The following DOCK5 variants were observed in gnomAD, a reference collection of about 807,000 sequenced individuals.
The protein encoded by DOCK5 is dedicator of cytokinesis protein 5.
DOCK5 carries 142 observed loss-of-function variants against 251.8 expected under a neutral mutation model. The observed-to-expected ratio is 0.56, with a 90% CI of 0.49 to 0.65. The LOEUF (loss-of-function observed/expected upper bound fraction) is 0.65, where lower values mean the gene tolerates loss of function less well. DOCK5 is among the 30% of genes least tolerant of loss of function. The pLI, the probability that DOCK5 is intolerant of heterozygous loss-of-function variation, is 0.00. For synonymous variants in DOCK5, 842 were observed against 835.5 expected, an observed-to-expected ratio of 1.01 and a Z score of -0.13; for missense variants, 2,111 against 2,312.3, an observed-to-expected ratio of 0.91 and a Z score of 1.79.
chr8:25,300,594 T>C lies in DOCK5; in HGVS notation c.783T>C (p.Arg261=), dbSNP rs1275397368. The change falls in exon 9 of 52, where the codon CGT becomes CGC. Residue 261 remains arginine, a synonymous_variant. Transcript: ENST00000276440. ...TTGCCAGTGAGAACTATCTAATTCG[T>C]TGGGGCAGTAACGGGATGCCCAAGG... ...STFISENYLI[R]WGSNGMPKEI... 6.2e-7 allele frequency: 1 copy of C among 1,613,308 alleles called. No homozygotes were observed. Among genetic ancestry groups the C allele is most frequent in the South Asian group, 1.1e-5 (1 of 90,862 alleles).
rs1047049360 is a variant in DOCK5 at position 25,369,546 on chromosome 8, C to G, written c.3439-10C>G. 3.1e-6 allele frequency: 5 copies of G among 1,603,414 alleles called. No individual in the cohort carries two copies. The highest frequency in any genetic ancestry group is 4.3e-6 in the Non-Finnish European group (5 of 1,174,800). On this transcript the variant is annotated splice_polypyrimidine_tract_variant and intron_variant, in intron 33 of 51. Coordinates refer to ENST00000276440, the MANE Select transcript of DOCK5 (RefSeq NM_024940.8). ...AACATTATCCTGTGAAATTCTGCCT[C>G]TACTTTCAGTTTGAGAATGAGCTGA...
intron 22 of DOCK5, among the ~76,000 whole-genome samples, chr8:25,338,998 C>T (rs1805881903): frequency 6.6e-6 from 1 of 152,154 alleles, no homozygotes; most frequent in Admixed American, 6.5e-5. Context: ...AGAGTTGCTT[C>T]ATTACACACT....
intron 1 of DOCK5, among the ~76,000 whole-genome samples, chr8:25,215,625 C>G (rs1802224222): frequency 6.6e-6 from 1 of 152,072 alleles, no homozygotes; most frequent in Non-Finnish European, 1.5e-5. Flanking sequence ...GCAACCTACT[C>G]AATCCCTTGG....
At chr8:25,326,355 T>C (rs1233105721) in intron 18 of DOCK5, among the ~76,000 whole-genome samples, 1 of 152,176 alleles carries the variant, frequency 6.6e-6, no homozygotes, top group African/African-American at 2.4e-5. Context: ...AGTGTAGTTA[T>C]AGGGTAAACC....
intron 18 of DOCK5, among the ~76,000 whole-genome samples, chr8:25,329,689 C>G (rs551373690): frequency 2.5e-4 from 38 of 152,222 alleles, no homozygotes; most frequent in African/African-American, 8.9e-4. Flanking sequence ...GCTGCTCTAC[C>G]TGTATACCAG....
chr8:25,227,117 G>A (rs529276829), intron 1 of DOCK5, among the ~76,000 whole-genome samples: 13 of 152,232 alleles, frequency 8.5e-5, no homozygotes, highest in South Asian at 2.1e-4. Flanking sequence ...GACTTCTGCC[G>A]AATTTCAAAA....
At chr8:25,281,952 A>G (rs774850041) in intron 5 of DOCK5, among the ~76,000 whole-genome samples, 34 of 151,604 alleles carry the variant, frequency 2.2e-4, no homozygotes, top group Admixed American at 4.6e-4. Context: ...TTTAATTTAG[A>G]TATCTAATAA....
intron 17 of DOCK5, 46 bp from the exon 18 acceptor site, chr8:25,325,318 A>C (rs769353274): frequency 2.0e-5 from 32 of 1,581,398 alleles, no homozygotes; most frequent in Non-Finnish European, 2.7e-5. Context: ...TTTGCATATA[A>C]GAGATTTTGG....
chr8:25,363,792 G>A (rs1194868781), intron 29 of DOCK5, among the ~76,000 whole-genome samples: 2 of 152,150 alleles, frequency 1.3e-5, no homozygotes, highest in African/African-American at 4.8e-5. Context: ...GCCTCACACC[G>A]GTCTTCCGCT....
chr8:25,403,405 G>A (rs530492687), intron 47 of DOCK5, among the ~76,000 whole-genome samples, 153 bp from the exon 48 acceptor site: 2 of 152,154 alleles, frequency 1.3e-5, no homozygotes, highest in East Asian at 1.9e-4. Context: ...TAACAATAGA[G>A]GCAGCACAGG....
intron 23 of DOCK5, among the ~76,000 whole-genome samples, 176 bp downstream of exon 23, chr8:25,341,164 C>T (rs1271395803): frequency 6.6e-6 from 1 of 152,134 alleles, no homozygotes; most frequent in Non-Finnish European, 1.5e-5. Flanking sequence ...TTAACTTCTA[C>T]AGAGCTTGTA....
intron 1 of DOCK5, among the ~76,000 whole-genome samples, chr8:25,218,310 G>A (rs960838627): frequency 6.6e-6 from 1 of 152,202 alleles, no homozygotes. Flanking sequence ...CCTCAGGTTG[G>A]TCACACAGGC....
intron 46 of DOCK5, 60 bp downstream of exon 46, chr8:25,400,054 C>A: frequency 7.2e-7 from 1 of 1,390,828 alleles, no homozygotes; most frequent in Non-Finnish European, 1.0e-6. Flanking sequence ...ACCCATTATT[C>A]TCCAGGGCTT....
chr8:25,190,960 T>C (rs558137227), intron 1 of DOCK5, among the ~76,000 whole-genome samples: 22 of 151,698 alleles, frequency 1.5e-4, no homozygotes, highest in South Asian at 6.3e-4. Context: ...ATTTTTTGTA[T>C]TTTTTAGTAG....
intron 30 of DOCK5, among the ~76,000 whole-genome samples, chr8:25,365,405 A>T (rs1800758588): frequency 6.6e-6 from 1 of 152,206 alleles, no homozygotes; most frequent in Admixed American, 6.5e-5. Context: ...TTGACTACAG[A>T]TTGTCCAAGT....
chr8:25,402,893 C>T (rs143884970), intron 47 of DOCK5, among the ~76,000 whole-genome samples: 81 of 152,324 alleles, frequency 5.3e-4, no homozygotes, highest in African/African-American at 1.7e-3. Context: ...GCGTGTCTTT[C>T]AGCCATTAAG....
chr8:25,272,024 TATACATACATAC>T (rs1451817818), intron 3 of DOCK5, among the ~76,000 whole-genome samples: 3 of 152,130 alleles, frequency 2.0e-5, no homozygotes, highest in Admixed American at 2.0e-4. Context: ...TACATACATA[TATACATACATAC>T]ATACATATTT....
At position 25,229,070 on chromosome 8, in the gene DOCK5, A is replaced by C. The variant is rs1057029236; in HGVS notation, c.44-14604A>C. Among the ~76,000 whole-genome samples the C allele has an allele frequency of 3.6e-3, 514 of 142,378 alleles. 3 individuals are homozygous for C. Among genetic ancestry groups the C allele is most frequent in the African/African-American group, 0.013 (487 of 37,838 alleles). 93.4% of individuals were successfully genotyped at this position (142,378 alleles called of 152,430 possible). A position where few individuals can be genotyped will look rare whatever the true frequency, so the allele number is the denominator to read the frequency against. ...ACGTAGTAAGACCTCATGTCTACCAAAAAAAAAAAAAAAAAATTGTGATGC... is the reference window on the plus strand; with the variant it reads ...ACGTAGTAAGACCTCATGTCTACCACAAAAAAAAAAAAAAAATTGTGATGC... On this transcript the variant is annotated intron_variant, in intron 1 of 51. Transcript: ENST00000276440.
At chr8:25,204,518 A>C (rs977233937) in intron 1 of DOCK5, among the ~76,000 whole-genome samples, 3 of 152,234 alleles carry the variant, frequency 2.0e-5, no homozygotes, top group Admixed American at 6.5e-5. Context: ...GAATTAAGCG[A>C]TGCCTGTTAG....
Sources: gnomAD v4.1 joint callset for allele counts (sites outside exome capture counted in the v4.1 genomes callset) on GRCh38, gnomAD v4.1.1 for gene constraint, MANE v1.5 for transcripts, NCBI Gene and HGNC (gene_info 2026-07-23, HGNC 2026-07-21) for gene names.